ZNF600: variants seen among roughly 807,000 people sequenced by gnomAD.
ZNF600 encodes zinc finger protein 600, also known as zinc finger protein KR-ZNF1.
ZNF600 carries 4 observed loss-of-function variants against 7.3 expected under a neutral mutation model. The ratio of observed to expected loss-of-function variants is 0.55; its 90% CI spans 0.27 to 1.25. The LOEUF (loss-of-function observed/expected upper bound fraction) is 1.25. Ranked by LOEUF, ZNF600 falls within the 50% of genes most tolerant of loss-of-function variation. ZNF600 has a pLI of 0.12. For missense variants in ZNF600, 911 were observed against 922.1 expected (o/e 0.99, Z 0.16); for synonymous variants, 290 against 308.9 (o/e 0.94, Z 0.64).
At chr19:52,790,682 CTTTT>C (rs71183835), upstream of ZNF600, among the ~76,000 whole-genome samples, 3 of 98,568 alleles carry the variant, frequency 3.0e-5, no homozygotes, top group East Asian at 4.6e-4. Context: ...TCTCTCTCTC[CTTTT>C]TTTTTTTTTT....
the ZNF600 span, among the ~76,000 whole-genome samples, chr19:52,828,214 G>A: frequency 6.6e-6 from 1 of 151,820 alleles, no homozygotes; most frequent in Non-Finnish European, 1.5e-5. Context: ...ACCATGCATG[G>A]CTAATTGTTG....
At chr19:52,792,314 A>T in the ZNF600 span, among the ~76,000 whole-genome samples, 1 of 152,192 alleles carries the variant, frequency 6.6e-6, no homozygotes. Flanking sequence ...AGCAAAAAGG[A>T]AAAGTCAAGC....
At chr19:52,782,467 G>A (rs2062730619) in intron 1 of ZNF600, among the ~76,000 whole-genome samples, 1 of 151,380 alleles carries the variant, frequency 6.6e-6, no homozygotes, top group Admixed American at 6.6e-5. Flanking sequence ...AGTTTGTGAT[G>A]AGCCAACATC....
chr19:52,801,952 C>A, the ZNF600 span, among the ~76,000 whole-genome samples: 1 of 151,956 alleles, frequency 6.6e-6, no homozygotes, highest in Non-Finnish European at 1.5e-5. Flanking sequence ...CATGTGTGAG[C>A]CTAAAGTAAG....
At chr19:52,775,117 G>T (rs1177863461) in intron 2 of ZNF600, among the ~76,000 whole-genome samples, 1 of 152,096 alleles carries the variant, frequency 6.6e-6, no homozygotes, top group Non-Finnish European at 1.5e-5. Context: ...GCAGGCACCT[G>T]TAATCCCAGC....
At chr19:52,787,888 AAG>A (rs34685167), upstream of ZNF600, among the ~76,000 whole-genome samples, 60,176 of 142,606 alleles carry the variant, frequency 0.42, 14,061 homozygotes, top group Non-Finnish European at 0.55. Flanking sequence ...GAAAAAGAAA[AAG>A]AAATATCTCC....
chr19:52,787,075 GC>G (rs1191978373), upstream of ZNF600, among the ~76,000 whole-genome samples: 1 of 152,270 alleles, frequency 6.6e-6, no homozygotes, highest in African/African-American at 2.4e-5. Context: ...CATGCTGATG[GC>G]CCACAGAACA....
chr19:52,786,205 CCA>C (rs1491249718), intron 1 of ZNF600, among the ~76,000 whole-genome samples: 13 of 70,944 alleles, frequency 1.8e-4, no homozygotes, highest in African/African-American at 5.7e-4. Context: ...CCCCTGCGAC[CCA>C]CCCCAACCCT....
chr19:52,832,206 GAACT>G, the ZNF600 span, among the ~76,000 whole-genome samples: 56 of 151,864 alleles, frequency 3.7e-4, no homozygotes, highest in African/African-American at 1.1e-3. Context: ...GATTGAAACT[GAACT>G]AACAAAAAAA....
At chr19:52,822,074 CTT>C in the ZNF600 span, among the ~76,000 whole-genome samples, 683 of 78,694 alleles carry the variant, frequency 8.7e-3, 12 homozygotes, top group African/African-American at 0.029. Context: ...TTCTTTTTCC[CTT>C]TTTTTTTTTT....
At chr19:52,771,681 T>C (rs897941822) in intron 3 of ZNF600, among the ~76,000 whole-genome samples, 10 of 152,324 alleles carry the variant, frequency 6.6e-5, no homozygotes, top group African/African-American at 2.4e-4. Flanking sequence ...TTTCACCATG[T>C]TGGCCAGGCT....
chr19:52,767,883 C>T, intron 3 of ZNF600, 111 bp from the exon 6 acceptor site: 1 of 1,408,460 alleles, frequency 7.1e-7, no homozygotes. Flanking sequence ...TCCCAAATAT[C>T]ATCTTCAAAG....
At chr19:52,795,556 A>T in the ZNF600 span, among the ~76,000 whole-genome samples, 5 of 152,124 alleles carry the variant, frequency 3.3e-5, no homozygotes, top group African/African-American at 1.2e-4. Context: ...TTATTTGAGA[A>T]GCAGTTATTT....
At chr19:52,777,680 A>G (rs2062687176) in intron 2 of ZNF600, among the ~76,000 whole-genome samples, 1 of 151,894 alleles carries the variant, frequency 6.6e-6, no homozygotes, top group African/African-American at 2.4e-5. Context: ...AAATACAAAA[A>G]TTAGCTGGGT....
chr19:52,780,258 A>G (rs1458528499), intron 1 of ZNF600, among the ~76,000 whole-genome samples: 2 of 152,204 alleles, frequency 1.3e-5, no homozygotes, highest in Non-Finnish European at 2.9e-5. Flanking sequence ...AGATCTCTGT[A>G]AGATTTTCTG....
upstream of ZNF600, among the ~76,000 whole-genome samples, chr19:52,791,100 C>A (rs2062789852): frequency 6.6e-6 from 1 of 152,240 alleles, no homozygotes; most frequent in Admixed American, 6.5e-5. Context: ...GTCTCCTTTT[C>A]CAGAATTTAC....
chr19:52,802,489 C>T, the ZNF600 span, among the ~76,000 whole-genome samples: 1 of 152,126 alleles, frequency 6.6e-6, no homozygotes, highest in African/African-American at 2.4e-5. Flanking sequence ...ACCAGCCTGG[C>T]CAATGTGGCA....
At chr19:52,819,572 T>A in the ZNF600 span, among the ~76,000 whole-genome samples, 160 of 54,476 alleles carry the variant, frequency 2.9e-3, 7 homozygotes, top group African/African-American at 4.6e-3. Context: ...CATCTCCAAG[T>A]TGCAGGGGAG....
chr19:52,814,134 T>C, the ZNF600 span: 1 of 146,592 alleles, frequency 6.8e-6, no homozygotes, highest in Admixed American at 6.9e-5. Flanking sequence ...GGCACAGAAC[T>C]GACAGTAACG....
Sources: allele counts gnomAD v4.1 joint callset (sites outside exome capture counted in the v4.1 genomes callset), GRCh38; gene constraint gnomAD v4.1.1; transcripts MANE v1.5; gene names NCBI Gene and HGNC (gene_info 2026-07-23, HGNC 2026-07-21).